Variants in ARHGAP26 observed in about 807,000 individuals in gnomAD.
The protein encoded by ARHGAP26 is Rho GTPase activating protein 26.
ARHGAP26 carries 38 observed loss-of-function variants against 104.8 expected under a neutral mutation model. The observed-to-expected ratio is 0.36, with a 90% CI of 0.28 to 0.48. The LOEUF (loss-of-function observed/expected upper bound fraction) is 0.48, where lower values mean the gene tolerates loss of function less well. ARHGAP26 is among the 20% of genes least tolerant of loss of function. ARHGAP26 has a pLI of 0.99. For synonymous variants in ARHGAP26, 341 were observed against 340.0 expected, an observed-to-expected ratio of 1.00 and a Z score of -0.03; for missense variants, 704 against 947.9, an observed-to-expected ratio of 0.74 and a Z score of 3.38.
chr5:142,958,710 CCTTAA>C, intron 11 of ARHGAP26, among the ~76,000 whole-genome samples: 1 of 151,978 alleles, frequency 6.6e-6, no homozygotes, highest in East Asian at 1.9e-4. Context: ...CAGCAGCCTT[CCTTAA>C]CTATTGTGAC....
At chr5:143,148,965 G>T (rs1326604715) in intron 20 of ARHGAP26, among the ~76,000 whole-genome samples, 1 of 152,128 alleles carries the variant, frequency 6.6e-6, no homozygotes, top group African/African-American at 2.4e-5. Context: ...TGGTAACTGT[G>T]GGCCCCTGAG....
intron 20 of ARHGAP26, among the ~76,000 whole-genome samples, chr5:143,204,915 A>G (rs1018384260): frequency 2.0e-5 from 3 of 151,888 alleles, no homozygotes; most frequent in African/African-American, 7.3e-5. Flanking sequence ...TGAACCTCCA[A>G]ATTGTCCCTG....
At chr5:142,930,481 G>C (rs919759407) in intron 10 of ARHGAP26, among the ~76,000 whole-genome samples, 3 of 152,074 alleles carry the variant, frequency 2.0e-5, no homozygotes, top group African/African-American at 7.3e-5. Flanking sequence ...TTGTATTGTG[G>C]TGCCAGTCCC....
At chr5:142,918,390 G>A (rs759874183) in intron 10 of ARHGAP26, among the ~76,000 whole-genome samples, 8 of 152,134 alleles carry the variant, frequency 5.3e-5, no homozygotes, top group Admixed American at 1.3e-4. Flanking sequence ...CAGGTGATCC[G>A]CCTGCCTCGG....
intron 1 of ARHGAP26, among the ~76,000 whole-genome samples, chr5:142,814,421 G>T (rs1462794301): frequency 6.6e-6 from 1 of 152,232 alleles, no homozygotes. Context: ...GTATTGCCAT[G>T]AACTGGAAAA....
At chr5:142,882,268 G>A (rs1316749566) in intron 4 of ARHGAP26, among the ~76,000 whole-genome samples, 1 of 152,192 alleles carries the variant, frequency 6.6e-6, no homozygotes, top group East Asian at 1.9e-4. Context: ...TTGCCTCGTA[G>A]AGTTATTATG....
At chr5:143,008,491 A>G (rs1778293725) in intron 11 of ARHGAP26, among the ~76,000 whole-genome samples, 1 of 152,212 alleles carries the variant, frequency 6.6e-6, no homozygotes, top group South Asian at 2.1e-4. Context: ...GTGTGTCTCC[A>G]CATTGGTACA....
At chr5:143,032,558 T>G (rs1388403261) in intron 12 of ARHGAP26, among the ~76,000 whole-genome samples, 2 of 152,214 alleles carry the variant, frequency 1.3e-5, no homozygotes, top group Non-Finnish European at 2.9e-5. Flanking sequence ...CCACTCAGAC[T>G]TTTTCTGTCG....
rs528918257 is a variant in ARHGAP26, at chr5:142,889,690, T to A, written c.486+4291T>A. 1.4e-4 allele frequency among the ~76,000 whole-genome samples: 21 copies of A among 152,166 alleles called. 1 individual carries two copies. The highest frequency in any genetic ancestry group is 1.0e-4 in the Non-Finnish European group (7 of 68,008). On this transcript the variant is annotated intron_variant, in intron 5 of 22. Transcript: ENST00000645722. ...TCCTGGTAACCTATTTAAAATAACA[T>A]AGTCAATGAAAGCCTCTCCTAAAGA...
chr5:142,957,803 C>G (rs1468582140), intron 11 of ARHGAP26, among the ~76,000 whole-genome samples: 1 of 152,248 alleles, frequency 6.6e-6, no homozygotes, highest in Non-Finnish European at 1.5e-5. Flanking sequence ...TTCTGCCTAT[C>G]AAAACACTGC....
At chr5:142,822,814 G>A (rs984180370) in intron 1 of ARHGAP26, among the ~76,000 whole-genome samples, 6 of 152,176 alleles carry the variant, frequency 3.9e-5, no homozygotes, top group Non-Finnish European at 8.8e-5. Context: ...CAGTGGAGGA[G>A]TTGTTGAAGG....
chr5:143,172,676 G>T (rs141368386), intron 20 of ARHGAP26, among the ~76,000 whole-genome samples: 4 of 152,306 alleles, frequency 2.6e-5, no homozygotes, highest in Non-Finnish European at 4.4e-5. Flanking sequence ...AGTATTGAAA[G>T]GTTGTTTTTA....
chr5:142,936,102 C>A (rs1364556412), intron 11 of ARHGAP26, among the ~76,000 whole-genome samples: 1 of 141,384 alleles, frequency 7.1e-6, no homozygotes, highest in African/African-American at 2.9e-5. Context: ...GTAGAAAATC[C>A]CAAGGAACAC....
chr5:143,192,266 G>A (rs767943983), intron 20 of ARHGAP26, among the ~76,000 whole-genome samples: 2 of 152,246 alleles, frequency 1.3e-5, no homozygotes, highest in African/African-American at 2.4e-5. Context: ...GGTCGCATTT[G>A]AAATGGGCTT....
At chr5:142,776,776 G>C (rs1163805493) in intron 1 of ARHGAP26, among the ~76,000 whole-genome samples, 1 of 151,936 alleles carries the variant, frequency 6.6e-6, no homozygotes, top group Non-Finnish European at 1.5e-5. Context: ...AATTTTGCTG[G>C]GTTGTATGGT....
At chr5:143,092,389 C>T (rs1204926303) in intron 17 of ARHGAP26, among the ~76,000 whole-genome samples, 13 of 152,116 alleles carry the variant, frequency 8.5e-5, no homozygotes, top group African/African-American at 3.1e-4. Context: ...TGGTCTCGAT[C>T]TCCTGACCTC....
intron 15 of ARHGAP26, 33 bp from the exon 16 acceptor site, chr5:143,055,995 T>G: frequency 6.5e-7 from 1 of 1,533,454 alleles, no homozygotes; most frequent in Non-Finnish European, 9.0e-7. Context: ...ATTCTTATTA[T>G]TAAGCTGACT....
intron 6 of ARHGAP26, among the ~76,000 whole-genome samples, chr5:142,900,425 G>A (rs1467652312): frequency 6.6e-6 from 1 of 152,140 alleles, no homozygotes; most frequent in Non-Finnish European, 1.5e-5. Flanking sequence ...AGAATCTAAG[G>A]GGATAGATGG....
chr5:143,207,354 C>T (rs776062506), intron 21 of ARHGAP26, 46 bp downstream of exon 21: 1 of 1,614,092 alleles, frequency 6.2e-7, no homozygotes, highest in Admixed American at 1.7e-5. Flanking sequence ...CCGTTGTTCT[C>T]TCATTGGCTC....
Sources: allele counts gnomAD v4.1 joint callset (sites outside exome capture counted in the v4.1 genomes callset), GRCh38; gene constraint gnomAD v4.1.1; transcripts MANE v1.5; gene names NCBI Gene and HGNC (gene_info 2026-07-23, HGNC 2026-07-21).